Variants in PLXDC2 observed in about 807,000 individuals in gnomAD.
PLXDC2 encodes the protein plexin domain-containing protein 2.
Under a neutral mutation model 68.9 loss-of-function variants are expected in PLXDC2, and 40 were observed. That is an observed-to-expected ratio of 0.58 (90% CI 0.45 to 0.76). The LOEUF (loss-of-function observed/expected upper bound fraction) is 0.76, where lower values mean the gene tolerates loss of function less well. Among genes scored for constraint, PLXDC2 ranks in the 30% least tolerant of loss-of-function variants. The pLI is 0.00. For missense variants in PLXDC2, 644 were observed against 661.9 expected, an observed-to-expected ratio of 0.97 and a Z score of 0.30; for synonymous variants, 243 against 234.2, an observed-to-expected ratio of 1.04 and a Z score of -0.34.
intron 1 of PLXDC2, among the ~76,000 whole-genome samples, chr10:19,973,283 C>T (rs1421629794): frequency 1.1e-5 from 1 of 90,514 alleles, no homozygotes; most frequent in Non-Finnish European, 2.3e-5. Context: ...TATGTATACA[C>T]ATACATATAT....
intron 1 of PLXDC2, among the ~76,000 whole-genome samples, chr10:19,856,373 CACACAG>C (rs1286624523): frequency 3.3e-4 from 41 of 124,438 alleles, no homozygotes; most frequent in East Asian, 2.5e-3. Context: ...CAAACACACA[CACACAG>C]ACACACACAC....
At chr10:19,831,121 T>A (rs939382283) in intron 1 of PLXDC2, among the ~76,000 whole-genome samples, 1 of 152,222 alleles carries the variant, frequency 6.6e-6, no homozygotes, top group African/African-American at 2.4e-5. Context: ...ATAGGGCATA[T>A]TATCAATGAC....
At chr10:19,882,220 A>G (rs1222977354) in intron 1 of PLXDC2, among the ~76,000 whole-genome samples, 1 of 152,204 alleles carries the variant, frequency 6.6e-6, no homozygotes, top group Non-Finnish European at 1.5e-5. Context: ...TTTTCCTCCT[A>G]AGATCTTAAA....
intron 1 of PLXDC2, among the ~76,000 whole-genome samples, chr10:19,866,720 G>C (rs1363225915): frequency 2.6e-5 from 4 of 152,318 alleles, no homozygotes; most frequent in Non-Finnish European, 4.4e-5. Context: ...TACTGCTTAA[G>C]ACCTGAACTT....
intron 6 of PLXDC2, among the ~76,000 whole-genome samples, chr10:20,156,394 T>C (rs561139368): frequency 6.6e-6 from 1 of 152,322 alleles, no homozygotes; most frequent in African/African-American, 2.4e-5. Flanking sequence ...ATTAAAATAT[T>C]TCAAGTAAAA....
intron 4 of PLXDC2, among the ~76,000 whole-genome samples, chr10:20,113,371 A>G (rs1833582655): frequency 6.6e-6 from 1 of 152,166 alleles, no homozygotes; most frequent in African/African-American, 2.4e-5. Context: ...TCCTTGCTGT[A>G]GTAACTGGTA....
intron 1 of PLXDC2, among the ~76,000 whole-genome samples, chr10:19,825,257 C>T (rs1399500589): frequency 6.6e-6 from 1 of 152,084 alleles, no homozygotes; most frequent in Non-Finnish European, 1.5e-5. Context: ...TTCGAGGTCT[C>T]GTCCTGTAGG....
At chr10:19,868,953 C>A (rs1306590257) in intron 1 of PLXDC2, among the ~76,000 whole-genome samples, 2 of 152,104 alleles carry the variant, frequency 1.3e-5, no homozygotes, top group Non-Finnish European at 2.9e-5. Flanking sequence ...TGATTATACC[C>A]TCGGTGATAA....
Position 20,106,377 on chromosome 10 carries a change from G to A in PLXDC2, c.542-36918G>A, listed in dbSNP as rs368341733. ...TTTGTCTCTGTCATAAGAGCCACAG[G>A]AGGCTGGACGGTTCCTAAGCAGGGG... is the stretch of plus-strand genomic sequence containing the variant. On this transcript the variant is annotated intron_variant, in intron 4 of 13. Coordinates refer to ENST00000377252, the MANE Select transcript of PLXDC2 (RefSeq NM_032812.9). 9.8e-5 allele frequency among the ~76,000 whole-genome samples: 15 copies of A among 152,322 alleles called. No homozygotes were observed. In the East Asian group the frequency reaches 2.9e-3, roughly 29 times the overall value.
intron 4 of PLXDC2, among the ~76,000 whole-genome samples, chr10:20,087,824 G>A (rs183446057): frequency 6.6e-6 from 1 of 152,192 alleles, no homozygotes; most frequent in East Asian, 1.9e-4. Flanking sequence ...TGGCCCATTT[G>A]TATTTCATCC....
chr10:20,001,602 A>G (rs1834939248), intron 1 of PLXDC2, among the ~76,000 whole-genome samples, 173 bp from the exon 2 acceptor site: 1 of 152,234 alleles, frequency 6.6e-6, no homozygotes, highest in Admixed American at 6.5e-5. Flanking sequence ...ATTGCATTCC[A>G]ATCAGAGATG....
chr10:20,030,069 A>T, intron 2 of PLXDC2, among the ~76,000 whole-genome samples: 1 of 152,208 alleles, frequency 6.6e-6, no homozygotes, highest in Non-Finnish European at 1.5e-5. Flanking sequence ...TATTTGAAAA[A>T]AAATGGATGC....
At chr10:20,145,789 G>A (rs1178974177) in intron 5 of PLXDC2, among the ~76,000 whole-genome samples, 1 of 151,972 alleles carries the variant, frequency 6.6e-6, no homozygotes, top group African/African-American at 2.4e-5. Flanking sequence ...TCCTGACCTC[G>A]TGATCCGCCT....
intron 2 of PLXDC2, among the ~76,000 whole-genome samples, chr10:20,024,255 A>G (rs1349783933): frequency 6.6e-6 from 1 of 152,204 alleles, no homozygotes. Flanking sequence ...AAGGGAACCA[A>G]ATATGTGTTG....
intron 12 of PLXDC2, among the ~76,000 whole-genome samples, chr10:20,221,031 C>T (rs560343020): frequency 6.6e-6 from 1 of 151,666 alleles, no homozygotes; most frequent in Non-Finnish European, 1.5e-5. Context: ...TTAATAGAGA[C>T]GGGGTTTCAT....
chr10:19,925,459 A>T (rs922037812), intron 1 of PLXDC2, among the ~76,000 whole-genome samples: 2 of 152,246 alleles, frequency 1.3e-5, no homozygotes, highest in South Asian at 4.1e-4. Context: ...TTATGTTTTT[A>T]GCAATTAACA....
intron 1 of PLXDC2, among the ~76,000 whole-genome samples, chr10:19,855,940 A>T (rs1837203650): frequency 6.6e-6 from 1 of 152,080 alleles, no homozygotes; most frequent in African/African-American, 2.4e-5. Flanking sequence ...ATACATATAT[A>T]AAAAATTAGC....
intron 9 of PLXDC2, among the ~76,000 whole-genome samples, chr10:20,186,773 T>C (rs1187793397): frequency 6.6e-6 from 1 of 152,014 alleles, no homozygotes; most frequent in East Asian, 1.9e-4. Flanking sequence ...TGCGTAGTAT[T>C]CCATCATGTA....
chr10:20,047,434 C>T (rs546751560), intron 3 of PLXDC2, among the ~76,000 whole-genome samples: 6 of 151,974 alleles, frequency 3.9e-5, no homozygotes, highest in Non-Finnish European at 5.9e-5. Flanking sequence ...AAGATTTAAC[C>T]GAAGTCATTT....
Sources: gnomAD v4.1 joint callset for allele counts (sites outside exome capture counted in the v4.1 genomes callset) on GRCh38, gnomAD v4.1.1 for gene constraint, MANE v1.5 for transcripts, NCBI Gene and HGNC (gene_info 2026-07-23, HGNC 2026-07-21) for gene names.